The following COL7A1 variants were observed in gnomAD, a reference collection of about 807,000 sequenced individuals.
COL7A1 encodes the protein collagen type VII alpha 1 chain.
In COL7A1, 296 loss-of-function variants were observed where a neutral mutation model predicts 456.2. The observed-to-expected ratio is 0.65, with a 90% CI of 0.59 to 0.71. The LOEUF (loss-of-function observed/expected upper bound fraction) is 0.71. Ranked by LOEUF, COL7A1 falls within the 30% of genes least tolerant of loss-of-function variation. COL7A1 has a pLI of 0.00. For missense variants in COL7A1, 3,441 were observed against 4,017.2 expected, an observed-to-expected ratio of 0.86 and a Z score of 3.88; for synonymous variants, 1,464 against 1,525.9, an observed-to-expected ratio of 0.96 and a Z score of 0.95.
chr3:48,575,244 T>G lies in COL7A1; in HGVS notation c.6181-2A>C. 6.2e-7 allele frequency: 1 copy of G among 1,613,976 alleles called. No individual in the cohort carries two copies. ...TTCTCCTTTCTCTCCCCGTTCTCCCTGAAATGCAAATAGCGGGTGAGGGCC... is the reference window on the plus strand; with the variant it reads ...TTCTCCTTTCTCTCCCCGTTCTCCCGGAAATGCAAATAGCGGGTGAGGGCC... On this transcript the variant is annotated splice_acceptor_variant, in intron 74 of 118. Coordinates refer to ENST00000681320, the MANE Select transcript of COL7A1 (RefSeq NM_000094.4). LOFTEE classifies it high-confidence loss of function. This position sits in a 1 kb window ranked among gnomAD's most constrained non-coding sequence, Gnocchi z 6.3.
chr3:48,580,323 G>T lies in COL7A1; in HGVS notation c.5074C>A (p.Pro1692Thr), dbSNP rs2107704785. The T allele has an allele frequency of 1.2e-6, 2 of 1,610,412 alleles. No homozygotes were observed. Among genetic ancestry groups the T allele is most frequent in the East Asian group, 4.5e-5 (2 of 44,816 alleles). ...GRNGSPGSSGPKGDRGEPGPP... is the reference protein window; with the variant it reads ...GRNGSPGSSGTKGDRGEPGPP... ...ACCGGCTCCCCACGGTCACCCTTGGGTCCAGATGATCCAGGGCTGCCCTGC... is the reference window on the plus strand; with the variant it reads ...ACCGGCTCCCCACGGTCACCCTTGGTTCCAGATGATCCAGGGCTGCCCTGC... The change falls in exon 56 of 119, where the codon CCC becomes ACC. Residue 1692 changes from proline to threonine, a missense_variant. This residue lies in a region of COL7A1 where 2,084 missense variants were observed against 2,501.3 expected (regional missense o/e 0.83). Coordinates refer to ENST00000681320, the MANE Select transcript of COL7A1 (RefSeq NM_000094.4). The surrounding 1 kb of genome is among the most constrained non-coding windows in gnomAD (Gnocchi z 4.5).
chr3:48,566,484 C>T lies in COL7A1; in HGVS notation c.8358+26G>A, dbSNP rs767190147. 5.0e-6 allele frequency: 8 copies of T among 1,613,606 alleles called. No individual in the cohort carries two copies. The South Asian group carries it at 8.8e-5, about 18-fold the overall frequency. On this transcript the variant is annotated intron_variant, in intron 113 of 118. Coordinates refer to ENST00000681320, the MANE Select transcript of COL7A1 (RefSeq NM_000094.4). This position sits in a 1 kb window ranked among gnomAD's most constrained non-coding sequence, Gnocchi z 5.9. Reference sequence around the variant, plus strand: ...CCCACCCAGGCCCACCCAGGCCCTCCCAGGCCCATCCAGGCCCACACTCAC... The same window carrying T: ...CCCACCCAGGCCCACCCAGGCCCTCTCAGGCCCATCCAGGCCCACACTCAC...
chr3:48,579,846 C>T lies in COL7A1; in HGVS notation c.5125-32G>A, dbSNP rs1361221428. ...GGGGAATGACCAGTGAGAAGAATGG[C>T]TCAACAAGGGGAAGAGGAGTTGGCG... On this transcript the variant is annotated intron_variant, in intron 57 of 118. Coordinates refer to ENST00000681320, the MANE Select transcript of COL7A1 (RefSeq NM_000094.4). This position sits in a 1 kb window ranked among gnomAD's most constrained non-coding sequence, Gnocchi z 4.4. The T allele has an allele frequency of 6.2e-7, 1 of 1,613,962 alleles. No homozygotes were observed. Among genetic ancestry groups the T allele is most frequent in the Non-Finnish European group, 8.5e-7 (1 of 1,180,026 alleles).
chr3:48,584,742 C>G lies in COL7A1; in HGVS notation c.4039G>C (p.Gly1347Arg), dbSNP rs121912833. The change falls in exon 35 of 119, where the codon GGG (glycine) becomes CGG (arginine). Residue 1347 changes from glycine (G) to arginine (R), a missense_variant. Physicochemically the swap from Gly to Arg is moderately radical, Grantham distance 125 (BLOSUM62 -2). Transcript: ENST00000681320. The part of the protein sequence containing the change: ...PGERGPRGPK[G>R]EPGAPGQVIG... Reference sequence around the variant, plus strand: ...CTTCCCCCTTCACCTACCGGCTCCCCCTTTGGGCCTCGAGGTCCTCGCTCT... The same window carrying G: ...CTTCCCCCTTCACCTACCGGCTCCCGCTTTGGGCCTCGAGGTCCTCGCTCT... 3.7e-6 allele frequency: 6 copies of G among 1,614,014 alleles called. No homozygotes were observed. The highest frequency in any genetic ancestry group is 2.2e-5 in the South Asian group (2 of 91,086).
chr3:48,586,506 G>A lies in COL7A1; in HGVS notation c.3404-28C>T, dbSNP rs767856734. 2 of 1,613,754 alleles carry A rather than the reference G, an allele frequency of 1.2e-6. No homozygotes were observed. Among genetic ancestry groups the A allele is most frequent in the Admixed American group, 1.7e-5 (1 of 60,030 alleles). On this transcript the variant is annotated intron_variant, in intron 26 of 118. Transcript: ENST00000681320. The surrounding 1 kb of genome is among the most constrained non-coding windows in gnomAD (Gnocchi z 5.1). ...GGAAGGAAGGACATGTCAGAACCCT[G>A]GGGCACCAAGCTCCCAGTGGATAGC...
rs2044552977 is a variant in COL7A1 at position 48,579,283 on chromosome 3, G to C, written c.5308-6C>G. Reference sequence around the variant, plus strand: ...CCAGGGGGACCCCGGTCACCCTGTGGAAAATAGAGTGGTAAGAGGCCACCA... The same window carrying C: ...CCAGGGGGACCCCGGTCACCCTGTGCAAAATAGAGTGGTAAGAGGCCACCA... On this transcript the variant is annotated splice_polypyrimidine_tract_variant and splice_region_variant and intron_variant, in intron 61 of 118. Transcript: ENST00000681320. This position sits in a 1 kb window ranked among gnomAD's most constrained non-coding sequence, Gnocchi z 4.4. 6.2e-7 allele frequency: 1 copy of C among 1,613,984 alleles called. No homozygotes were observed. Among genetic ancestry groups the C allele is most frequent in the African/African-American group, 1.3e-5 (1 of 74,932 alleles).
Position 48,578,294 on chromosome 3 carries a change from C to T in COL7A1, c.5532+27G>A, listed in dbSNP as rs769613998. On this transcript the variant is annotated intron_variant, in intron 65 of 118. Transcript: ENST00000681320. This position sits in a 1 kb window ranked among gnomAD's most constrained non-coding sequence, Gnocchi z 4.7. ...TGTGCTGGCGTTTCTTGGCAGGTTTCGCCGCAGCTGCCCTGGACACACTCA... is the reference window on the plus strand; with the variant it reads ...TGTGCTGGCGTTTCTTGGCAGGTTTTGCCGCAGCTGCCCTGGACACACTCA... The T allele has an allele frequency of 1.3e-5, 21 of 1,611,952 alleles. No homozygotes were observed. The highest frequency in any genetic ancestry group is 6.6e-5 in the South Asian group (6 of 90,986).
chr3:48,584,988 C>T, intron 33 of COL7A1, 43 bp from the exon 34 acceptor site: 1 of 1,613,668 alleles, frequency 6.2e-7, no homozygotes, highest in Admixed American at 1.7e-5. Flanking sequence ...AGCCACCCCA[C>T]CCACTCAGGC....
chr3:48,589,591 G>A lies in COL7A1; in HGVS notation c.2170+8C>T. 1 of 1,605,932 alleles carries A rather than the reference G, an allele frequency of 6.2e-7. No individual in the cohort carries two copies. Among genetic ancestry groups the A allele is most frequent in the Non-Finnish European group, 8.5e-7 (1 of 1,177,064 alleles). ...CTGACCTGCCCCCTCCCAAACCCCA[G>A]TCCCCACCGTGGGCTGAGTGCCAGG... On this transcript the variant is annotated splice_region_variant and intron_variant, in intron 17 of 118. Transcript: ENST00000681320.
chr3:48,570,451 C>T lies in COL7A1; in HGVS notation c.7380+14G>A, dbSNP rs1387459419. ...AGGGCACAAGAGAGAGTCAGCAGCA[C>T]TTGTCCCACCTACCTTGTCTCCTTT... On this transcript the variant is annotated intron_variant, in intron 97 of 118. Transcript: ENST00000681320. This position sits in a 1 kb window ranked among gnomAD's most constrained non-coding sequence, Gnocchi z 5.5. 6.2e-7 allele frequency: 1 copy of T among 1,613,964 alleles called. No homozygotes were observed. The highest frequency in any genetic ancestry group is 8.5e-7 in the Non-Finnish European group (1 of 1,179,986).
rs141566570 is a variant in COL7A1, at chr3:48,581,745, G to A, written c.4683C>T (p.Pro1561=). 14 of 1,613,812 alleles carry A rather than the reference G, an allele frequency of 8.7e-6. No individual in the cohort carries two copies. Among genetic ancestry groups the A allele is most frequent in the African/African-American group, 5.3e-5 (4 of 74,840 alleles). ...GPKGEKGDVG[P]AGPRGATGVQ... is the part of the protein sequence containing the mutation. ...CTCCGGTAGCTCCTCTGGGCCCAGC[G>A]GGCCCCACATCTCCCTGGAGGTGAC... Residue 1561 remains proline, a synonymous_variant, in exon 49 of 119, where the codon CCC becomes CCT. Transcript: ENST00000681320. This position sits in a 1 kb window ranked among gnomAD's most constrained non-coding sequence, Gnocchi z 5.8.
chr3:48,566,689 G>A lies in COL7A1; in HGVS notation c.8275C>T (p.Pro2759Ser). The A allele has an allele frequency of 6.2e-7, 1 of 1,613,546 alleles. No individual in the cohort carries two copies. The highest frequency in any genetic ancestry group is 8.5e-7 in the Non-Finnish European group (1 of 1,179,846). ...GERVVGAPGVPGAPGERGEQG... is the reference protein window; with the variant it reads ...GERVVGAPGVSGAPGERGEQG... Reference sequence around the variant, plus strand: ...TCCCCTCTCTCGCCAGGAGCTCCAGGGACCCCAGGAGCCCCCACCACTCTC... The same window carrying A: ...TCCCCTCTCTCGCCAGGAGCTCCAGAGACCCCAGGAGCCCCCACCACTCTC... The change falls in exon 112 of 119, where the codon CCT becomes TCT. Residue 2759 changes from proline to serine, a missense_variant. Coordinates refer to ENST00000681320, the MANE Select transcript of COL7A1 (RefSeq NM_000094.4). The surrounding 1 kb of genome is among the most constrained non-coding windows in gnomAD (Gnocchi z 5.9).
At position 48,568,520 on chromosome 3, in the gene COL7A1, T is replaced by A. The variant is rs1172827810; in HGVS notation, c.7773A>T (p.Ala2591=). The A allele has an allele frequency of 6.2e-7, 1 of 1,607,648 alleles. No homozygotes were observed. The highest frequency in any genetic ancestry group is 1.7e-5 in the Admixed American group (1 of 59,758). The change falls in exon 105 of 119, where the codon GCA becomes GCT. Residue 2591 remains alanine (A), a synonymous_variant. Transcript: ENST00000681320. This position sits in a 1 kb window ranked among gnomAD's most constrained non-coding sequence, Gnocchi z 5.2. ...GLLGPQGQPG[A]AGIPGDPGSP... is the part of the protein sequence containing the mutation. Reference sequence around the variant, plus strand: ...TTACCGGGTCACCAGGGATCCCTGCTGCACCAGGTTGACCCTGTGAGAAAC... The same window carrying A: ...TTACCGGGTCACCAGGGATCCCTGCAGCACCAGGTTGACCCTGTGAGAAAC...
Position 48,564,331 on chromosome 3 carries a change from G to A in COL7A1, c.*75C>T. ...CGTGCACACAAGCCTCTAGCACCAA[G>A]GGGAGGGACAGTGGGGTTCTGCTGA... is the stretch of plus-strand genomic sequence containing the variant. On this transcript the variant is annotated 3_prime_UTR_variant, in exon 119 of 119. Coordinates refer to ENST00000681320, the MANE Select transcript of COL7A1 (RefSeq NM_000094.4). The surrounding 1 kb of genome is among the most constrained non-coding windows in gnomAD (Gnocchi z 6.0). 6.4e-7 allele frequency: 1 copy of A among 1,556,238 alleles called. No homozygotes were observed. The highest frequency in any genetic ancestry group is 1.1e-5 in the South Asian group (1 of 89,730).
chr3:48,590,373 A>T lies in COL7A1; in HGVS notation c.1907-17T>A, dbSNP rs1279849899. 6.2e-7 allele frequency: 1 copy of T among 1,613,984 alleles called. No individual in the cohort carries two copies. Among genetic ancestry groups the T allele is most frequent in the Non-Finnish European group, 8.5e-7 (1 of 1,179,962 alleles). ...ACTCCGGACCTGAGGTCAGAGGGAA[A>T]TGCTGGCATGGCTCCTGCCTGTCCC... On this transcript the variant is annotated splice_polypyrimidine_tract_variant and intron_variant, in intron 15 of 118. Coordinates refer to ENST00000681320, the MANE Select transcript of COL7A1 (RefSeq NM_000094.4). This position sits in a 1 kb window ranked among gnomAD's most constrained non-coding sequence, Gnocchi z 4.6.
rs373143982 is a variant in COL7A1 at position 48,580,373 on chromosome 3, C to G, written c.5053-29G>C. The G allele has an allele frequency of 1.1e-4, 173 of 1,604,442 alleles. No homozygotes were observed. Among genetic ancestry groups the G allele is most frequent in the Non-Finnish European group, 1.4e-4 (160 of 1,174,854 alleles). ...CAGAAAGGCAGGGGTCAGGGCCACT[C>G]AAGGTAGGCAGCAGTTTGGGAGAGC... On this transcript the variant is annotated intron_variant, in intron 55 of 118. Coordinates refer to ENST00000681320, the MANE Select transcript of COL7A1 (RefSeq NM_000094.4). This position sits in a 1 kb window ranked among gnomAD's most constrained non-coding sequence, Gnocchi z 4.5.
At position 48,585,870 on chromosome 3, in the gene COL7A1, T is replaced by G. The variant is rs2045212184; in HGVS notation, c.3760-14A>C. On this transcript the variant is annotated splice_polypyrimidine_tract_variant and intron_variant, in intron 29 of 118. Transcript: ENST00000681320. The surrounding 1 kb of genome is among the most constrained non-coding windows in gnomAD (Gnocchi z 4.5). Reference sequence around the variant, plus strand: ...CCCCTTCTGGCCCTGGGGAAAGACATGTCAGATGTGGGTCAGAGTGGCTAG... The same window carrying G: ...CCCCTTCTGGCCCTGGGGAAAGACAGGTCAGATGTGGGTCAGAGTGGCTAG... The G allele has an allele frequency of 6.2e-7, 1 of 1,614,098 alleles. No homozygotes were observed. The highest frequency in any genetic ancestry group is 1.1e-5 in the South Asian group (1 of 91,088).
At position 48,590,682 on chromosome 3, in the gene COL7A1, C is replaced by T; in HGVS notation, c.1771G>A (p.Val591Ile). The T allele has an allele frequency of 6.2e-7, 1 of 1,614,040 alleles. No homozygotes were observed. Among genetic ancestry groups the T allele is most frequent in the Non-Finnish European group, 8.5e-7 (1 of 1,180,032 alleles). Reference sequence around the variant, plus strand: ...CTCCTGCAGTACTCACCCCGGCGGACAGTGAGGACACTGGCACTGCCCTCA... The same window carrying T: ...CTCCTGCAGTACTCACCCCGGCGGATAGTGAGGACACTGGCACTGCCCTCA... ...PREGSASVLT[V>I]RREPETPLAV... is the part of the protein sequence containing the mutation. Residue 591 changes from valine to isoleucine, a missense_variant, in exon 14 of 119, where the codon GTC (valine) becomes ATC (isoleucine). Val to Ile is a conservative substitution (Grantham distance 29, BLOSUM62 3). Around this residue, in one of 3 missense-constraint regions of COL7A1, gnomAD observed 913 missense variants for 1,088.2 expected, o/e 0.84. Coordinates refer to ENST00000681320, the MANE Select transcript of COL7A1 (RefSeq NM_000094.4). The surrounding 1 kb of genome is among the most constrained non-coding windows in gnomAD (Gnocchi z 4.6).
chr3:48,586,888 G>A lies in COL7A1; in HGVS notation c.3276+84C>T. On this transcript the variant is annotated intron_variant, in intron 25 of 118. Coordinates refer to ENST00000681320, the MANE Select transcript of COL7A1 (RefSeq NM_000094.4). This position sits in a 1 kb window ranked among gnomAD's most constrained non-coding sequence, Gnocchi z 5.1. ...AGCTGGGAGAATGCCTGAACCTATT[G>A]GGTGGTCAGGAGATGGTAACTGGTA... 1 of 1,541,238 alleles carries A rather than the reference G, an allele frequency of 6.5e-7. No homozygotes were observed. The highest frequency in any genetic ancestry group is 8.8e-7 in the Non-Finnish European group (1 of 1,138,510).
Sources: gnomAD v4.1 joint callset for allele counts on GRCh38, gnomAD v4.1.1 for gene constraint, gnomAD v4.1.1 regional missense constraint, Gnocchi (gnomAD v3.1) non-coding constraint, MANE v1.5 for transcripts, NCBI Gene and HGNC (gene_info 2026-07-23, HGNC 2026-07-21) for gene names.